Variants in SCART1 observed in about 807,000 individuals in gnomAD.
SCART1 encodes the protein scavenger receptor family member expressed on T cells 1, also known as scavenger receptor cysteine-rich domain-containing protein SCART1.
Under a neutral mutation model 36.2 loss-of-function variants are expected in SCART1, and 62 were observed. That is an observed-to-expected ratio of 1.71 (90% confidence interval 1.40 to 2.12). The LOEUF is 2.12. Ranked by LOEUF, SCART1 falls within the 30% of genes most tolerant of loss-of-function variation. SCART1 has a pLI of 0.00. For missense variants in SCART1, 1,041 were observed against 540.5 expected (o/e 1.93, Z -9.18); for synonymous variants, 487 against 238.7 (o/e 2.04, Z -9.59).
intron 1 of SCART1, among the ~76,000 whole-genome samples, chr10:133,454,816 G>T (rs1244149040): frequency 6.6e-6 from 1 of 152,158 alleles, no homozygotes; most frequent in Non-Finnish European, 1.5e-5. Flanking sequence ...GCTGCAGAAA[G>T]TGCAGAGGAG....
chr10:133,458,095 C>A, intron 3 of SCART1: 1 of 670,190 alleles, frequency 1.5e-6, no homozygotes, highest in Non-Finnish European at 2.7e-6. Context: ...GTCATGGCCT[C>A]GGACAGGCAG....
intron 6 of SCART1, among the ~76,000 whole-genome samples, chr10:133,462,534 G>A (rs1305390158): frequency 3.3e-5 from 5 of 152,184 alleles, no homozygotes; most frequent in Admixed American, 6.5e-5. Context: ...TCGTGAATGC[G>A]TAACATATGT....
exon 6 of SCART1, chr10:133,459,803 C>T (rs1243943323): frequency 3.1e-6 from 2 of 647,662 alleles, no homozygotes; most frequent in African/African-American, 1.9e-5. Flanking sequence ...TGGTGTGCTC[C>T]GGTGAGGTCG....
chr10:133,458,054 C>G, intron 3 of SCART1: 1 of 603,712 alleles, frequency 1.7e-6, no homozygotes, highest in Non-Finnish European at 3.0e-6. Context: ...GGTGCCCTGA[C>G]CTCGCCTCTG....
chr10:133,460,009 T>C, exon 6 of SCART1: 1 of 529,912 alleles, frequency 1.9e-6, no homozygotes, highest in South Asian at 2.6e-5. Context: ...GGCCGCGCCC[T>C]GAGCGCCCTG....
intron 1 of SCART1, among the ~76,000 whole-genome samples, chr10:133,455,165 G>A (rs147350097): frequency 1.3e-5 from 2 of 152,282 alleles, no homozygotes; most frequent in African/African-American, 2.4e-5. Flanking sequence ...TACATGGGAG[G>A]CTGAGGCACG....
intron 3 of SCART1, chr10:133,458,141 C>A (rs1005858444): frequency 2.7e-5 from 19 of 695,742 alleles, no homozygotes; most frequent in African/African-American, 2.6e-4. Flanking sequence ...CAGCAGGTGA[C>A]CCTGACCCTG....
exon 9 of SCART1, chr10:133,465,556 C>T (rs969744486): frequency 1.1e-5 from 6 of 544,870 alleles, no homozygotes; most frequent in Non-Finnish European, 1.6e-5. Flanking sequence ...CGCGGGCGTG[C>T]GCTGCTGGGG....
exon 2 of SCART1, chr10:133,456,412 C>A (rs1850612527): frequency 1.4e-6 from 1 of 702,876 alleles, no homozygotes; most frequent in Non-Finnish European, 2.6e-6. Flanking sequence ...CCAAGTATGT[C>A]CCGCTGCCTG....
intron 6 of SCART1, 28 bp downstream of exon 6, chr10:133,460,198 C>T: frequency 2.2e-6 from 1 of 461,748 alleles, no homozygotes; most frequent in Non-Finnish European, 3.8e-6. Flanking sequence ...ATGGAATGAT[C>T]ATGCTGTTTT....
chr10:133,464,662 G>A (rs1004364502), exon 7 of SCART1: 4 of 688,030 alleles, frequency 5.8e-6, no homozygotes, highest in Non-Finnish European at 1.1e-5. Context: ...GTGGCTGGAC[G>A]TGTTCTACAA....
chr10:133,456,336 A>G (rs1850610732), exon 2 of SCART1: 1 of 702,764 alleles, frequency 1.4e-6, no homozygotes, highest in Admixed American at 2.0e-5. Flanking sequence ...TGCAACCAGG[A>G]GTGGACGCTG....
rs547072672 is a variant in SCART1 at position 133,467,977 on chromosome 10, G to C, written c.*9G>C. ...AGGAGATGACGTTGTAAAGCAACCT[G>C]AGGATGAGATACACCAGCTGGCTGT... On this transcript the variant is annotated 3_prime_UTR_variant, in exon 12 of 12. Transcript: ENST00000640237. 5 of 683,616 alleles carry C rather than the reference G, an allele frequency of 7.3e-6. No homozygotes were observed. In the South Asian group the frequency reaches 7.6e-5, roughly 10 times the overall value. 42.3% of individuals were successfully genotyped at this position (683,616 alleles called of 1,614,324 possible). A position where few individuals can be genotyped will look rare whatever the true frequency, so the allele number is the denominator to read the frequency against.
At chr10:133,465,791 T>C (rs1850758540) in intron 9 of SCART1, 4 of 692,816 alleles carry the variant, frequency 5.8e-6, no homozygotes, top group Admixed American at 4.1e-5. Context: ...CCCTTTTGTT[T>C]ATTCCAATCC....
intron 3 of SCART1, chr10:133,457,830 G>A: frequency 1.8e-6 from 1 of 549,580 alleles, no homozygotes; most frequent in Non-Finnish European, 3.2e-6. Flanking sequence ...GGCTGCCGCT[G>A]CAAGTCTGAG....
intron 6 of SCART1, among the ~76,000 whole-genome samples, chr10:133,460,636 A>G (rs1226267769): frequency 6.6e-6 from 1 of 151,444 alleles, no homozygotes; most frequent in East Asian, 1.9e-4. Flanking sequence ...CCTGTAGTCC[A>G]GGGATCCTTC....
intron 6 of SCART1, 145 bp downstream of exon 6, chr10:133,460,315 G>A (rs947478730): frequency 2.5e-6 from 1 of 397,862 alleles, no homozygotes; most frequent in African/African-American, 2.1e-5. Context: ...TGAGGTTCCT[G>A]TTGGTATAGT....
exon 4 of SCART1, chr10:133,458,511 C>T (rs886196319): frequency 1.0e-5 from 7 of 676,072 alleles, no homozygotes; most frequent in South Asian, 4.7e-5. Flanking sequence ...TGTCCACGCC[C>T]GAGGGCGCCC....
chr10:133,464,716 T>C (rs1337212646), exon 7 of SCART1: 1 of 701,054 alleles, frequency 1.4e-6, no homozygotes, highest in Non-Finnish European at 2.6e-6. Flanking sequence ...GAAGGACCTC[T>C]CCTTGTCCAT....
Sources: gnomAD v4.1 joint callset for allele counts (sites outside exome capture counted in the v4.1 genomes callset) on GRCh38, gnomAD v4.1.1 for gene constraint, MANE v1.5 for transcripts, NCBI Gene and HGNC (gene_info 2026-07-23, HGNC 2026-07-21) for gene names.